NMNAT3: variants seen among roughly 807,000 people sequenced by gnomAD.
NMNAT3 encodes nicotinamide nucleotide adenylyltransferase 3, also known as nicotinamide/nicotinic acid mononucleotide adenylyltransferase 3.
A neutral mutation model predicts 24.8 loss-of-function variants in NMNAT3; 21 were observed. The ratio of observed to expected loss-of-function variants is 0.85; its 90% CI spans 0.60 to 1.22. NMNAT3 has a LOEUF of 1.22. Among genes scored for constraint, NMNAT3 ranks in the 50% most tolerant of loss-of-function variants. The pLI, the probability that NMNAT3 is intolerant of heterozygous loss-of-function variation, is 0.00. For synonymous variants in NMNAT3, 136 were observed against 155.2 expected, an observed-to-expected ratio of 0.88 and a Z score of 0.92; for missense variants, 387 against 436.6, an observed-to-expected ratio of 0.89 and a Z score of 1.01.
intron 1 of NMNAT3, among the ~76,000 whole-genome samples, chr3:139,672,000 T>G (rs2057773297): frequency 6.6e-6 from 1 of 152,252 alleles, no homozygotes; most frequent in Non-Finnish European, 1.5e-5. Context: ...GTTTTCATCA[T>G]TCTTTTCCTT....
At chr3:139,645,797 G>A (rs2056852046) in intron 1 of NMNAT3, among the ~76,000 whole-genome samples, 1 of 152,116 alleles carries the variant, frequency 6.6e-6, no homozygotes. Flanking sequence ...AATTGGGTTT[G>A]TTTTAATAAG....
intron 5 of NMNAT3, chr3:139,575,931 G>A: frequency 7.8e-7 from 1 of 1,288,556 alleles, no homozygotes. Context: ...ACAGATGGGA[G>A]CTCCACGTCC....
chr3:139,639,735 T>C (rs1354753669), intron 1 of NMNAT3, among the ~76,000 whole-genome samples: 1 of 152,232 alleles, frequency 6.6e-6, no homozygotes, highest in African/African-American at 2.4e-5. Context: ...GTCTCATGTC[T>C]TCTGCCAGCA....
intron 1 of NMNAT3, among the ~76,000 whole-genome samples, chr3:139,675,135 T>TACACACACACACACACACAAACACACAC (rs2057886923): frequency 6.7e-6 from 1 of 148,228 alleles, no homozygotes; most frequent in Admixed American, 6.7e-5. Flanking sequence ...CTTTTAAACA[T>TACACACACACACACACACAAACACACAC]ACACACACAC....
At chr3:139,634,414 TAAAG>T (rs2056422248) in intron 2 of NMNAT3, 193 bp downstream of exon 3, 1 of 152,186 alleles carries the variant, frequency 6.6e-6, no homozygotes, top group African/African-American at 2.4e-5. Flanking sequence ...CTCCTCATCT[TAAAG>T]AAAACACAAG....
At chr3:139,632,040 C>T (rs1192937116) in intron 2 of NMNAT3, among the ~76,000 whole-genome samples, 1 of 152,120 alleles carries the variant, frequency 6.6e-6, no homozygotes, top group East Asian at 1.9e-4. Context: ...CAGCCTCAGA[C>T]TCCTGGGCTC....
At chr3:139,662,207 C>T (rs750435720) in intron 1 of NMNAT3, among the ~76,000 whole-genome samples, 64 of 152,072 alleles carry the variant, frequency 4.2e-4, no homozygotes, top group Non-Finnish European at 2.5e-4. Flanking sequence ...CAGTGAATGC[C>T]GGTTGTCTCT....
At chr3:139,651,941 C>T (rs1384293178) in intron 1 of NMNAT3, among the ~76,000 whole-genome samples, 5 of 152,198 alleles carry the variant, frequency 3.3e-5, no homozygotes, top group Non-Finnish European at 7.3e-5. Context: ...GCCTGGGGAC[C>T]TAAGTCCTCC....
intron 3 of NMNAT3, among the ~76,000 whole-genome samples, chr3:139,621,071 T>C (rs993694854): frequency 3.3e-5 from 5 of 152,088 alleles, no homozygotes; most frequent in African/African-American, 1.2e-4. Flanking sequence ...GCATGAGCCA[T>C]GCAATTGGCC....
intron 3 of NMNAT3, among the ~76,000 whole-genome samples, chr3:139,623,009 A>G (rs1406321226): frequency 6.6e-6 from 1 of 151,046 alleles, no homozygotes; most frequent in Non-Finnish European, 1.5e-5. Flanking sequence ...TGTTTATTTA[A>G]ACTACGCTAA....
intron 3 of NMNAT3, among the ~76,000 whole-genome samples, chr3:139,605,435 G>A (rs1023087026): frequency 1.3e-5 from 2 of 152,104 alleles, no homozygotes; most frequent in South Asian, 4.1e-4. Flanking sequence ...GGCCAAAACC[G>A]CTTTTGAGGT....
intron 6 of NMNAT3, chr3:139,568,697 G>T (rs1937588671): frequency 6.6e-6 from 1 of 152,306 alleles, no homozygotes; most frequent in African/African-American, 2.4e-5. Context: ...TTGCACTGTG[G>T]TCTGAGGGAC....
intron 2 of NMNAT3, among the ~76,000 whole-genome samples, chr3:139,627,984 A>G (rs2056130749): frequency 1.3e-5 from 2 of 152,188 alleles, no homozygotes; most frequent in Admixed American, 6.5e-5. Context: ...AACGACCCTG[A>G]GTGGTTACTC....
chr3:139,569,760 C>T (rs1937824360), intron 6 of NMNAT3: 1 of 152,192 alleles, frequency 6.6e-6, no homozygotes, highest in Non-Finnish European at 1.5e-5. Flanking sequence ...ACCTTTCTCT[C>T]TGGCTGCCCT....
intron 3 of NMNAT3, among the ~76,000 whole-genome samples, chr3:139,600,905 GTCTC>G (rs946865107): frequency 1.3e-5 from 2 of 152,116 alleles, no homozygotes; most frequent in African/African-American, 2.4e-5. Context: ...ACCCAGCTGT[GTCTC>G]TCTGCCCACT....
rs538978373 is a variant in NMNAT3, at chr3:139,677,390, T to C, written c.-141+315A>G. On this transcript the variant is annotated intron_variant, in intron 1 of 6. Transcript: ENST00000643695. ...CACGTTAAGTATTTGTTAGACACTG[T>C]GCTTATATTTTTAACCTTTGAGTGC... Among the ~76,000 whole-genome samples, 7 of 152,272 alleles carry C rather than the reference T, an allele frequency of 4.6e-5. No homozygotes were observed. The East Asian group carries it at 9.7e-4, about 21-fold the overall frequency.
intron 3 of NMNAT3, among the ~76,000 whole-genome samples, chr3:139,593,546 A>G (rs544530751): frequency 2.6e-5 from 4 of 152,304 alleles, no homozygotes; most frequent in South Asian, 2.1e-4. Flanking sequence ...TCCAACATTG[A>G]CCACATAGTT....
At chr3:139,624,935 G>C (rs1200528191) in intron 3 of NMNAT3, among the ~76,000 whole-genome samples, 1 of 152,158 alleles carries the variant, frequency 6.6e-6, no homozygotes, top group Non-Finnish European at 1.5e-5. Flanking sequence ...TTACTGAGAA[G>C]AGCATTAAAA....
Position 139,560,827 on chromosome 3 carries a change from C to T in NMNAT3, c.*183G>A, listed in dbSNP as rs1559840959. 1.6e-6 allele frequency: 1 copy of T among 608,626 alleles called. No individual in the cohort carries two copies. Among genetic ancestry groups the T allele is most frequent in the Non-Finnish European group, 2.9e-6 (1 of 350,552 alleles). The allele number at this position is 608,626 out of a possible 1,614,324, so 37.7% of individuals were successfully genotyped here. Reference sequence around the variant, plus strand: ...AAATGTCTATCCTTGTGATTTAGACCTTTCCTCTCCTGTAAAGAAGGTATC... The same window carrying T: ...AAATGTCTATCCTTGTGATTTAGACTTTTCCTCTCCTGTAAAGAAGGTATC... On this transcript the variant is annotated 3_prime_UTR_variant, in exon 7 of 7. Coordinates refer to ENST00000643695, the MANE Select transcript of NMNAT3 (RefSeq NM_001320510.2).
Sources: gnomAD v4.1 joint callset for allele counts (sites outside exome capture counted in the v4.1 genomes callset) on GRCh38, gnomAD v4.1.1 for gene constraint, MANE v1.5 for transcripts, NCBI Gene and HGNC (gene_info 2026-07-23, HGNC 2026-07-21) for gene names.